GFRA1: variants seen among roughly 807,000 people sequenced by gnomAD.
GFRA1 encodes GDNF family receptor alpha-1.
Under a neutral mutation model 51.6 loss-of-function variants are expected in GFRA1, and 16 were observed. The observed-to-expected ratio is 0.31, with a 90% confidence interval of 0.21 to 0.47. GFRA1 has a LOEUF of 0.47. Ranked by LOEUF, GFRA1 falls within the 20% of genes least tolerant of loss-of-function variation. The pLI is 1.00. For missense variants in GFRA1, 530 were observed against 594.3 expected (o/e 0.89, Z 1.13); for synonymous variants, 270 against 241.3 (o/e 1.12, Z -1.10).
Position 116,207,704 on chromosome 10 carries a change from C to T in GFRA1, c.433+3927G>A, listed in dbSNP as rs144414974. ...AGTGGCTTTTTAAAATCTGAAGACA[C>T]ATATAGGAATATTTTAATAATGTCT... On this transcript the variant is annotated intron_variant, in intron 5 of 10. Coordinates refer to ENST00000355422, the MANE Select transcript of GFRA1 (RefSeq NM_005264.8). 1.3e-3 allele frequency among the ~76,000 whole-genome samples: 191 copies of T among 152,162 alleles called. 1 individual carries two copies. The highest frequency in any genetic ancestry group is 2.1e-3 in the Non-Finnish European group (144 of 68,032).
intron 5 of GFRA1, among the ~76,000 whole-genome samples, chr10:116,134,179 C>A (rs1412686191): frequency 6.6e-6 from 1 of 152,150 alleles, no homozygotes; most frequent in African/African-American, 2.4e-5. Context: ...AATAAAAGAA[C>A]GTTTGTTTGC....
intron 5 of GFRA1, among the ~76,000 whole-genome samples, chr10:116,157,531 C>A (rs531243786): frequency 6.6e-6 from 1 of 152,214 alleles, no homozygotes; most frequent in Non-Finnish European, 1.5e-5. Context: ...TCATTCAAGC[C>A]TTCATGTTTC....
chr10:116,269,639 AG>A, intron 3 of GFRA1, 53 bp from the exon 4 acceptor site: 2 of 1,073,420 alleles, frequency 1.9e-6, no homozygotes, highest in Non-Finnish European at 2.9e-6. Flanking sequence ...TATTTCAAGC[AG>A]GTTTTTGCTG....
intron 5 of GFRA1, among the ~76,000 whole-genome samples, chr10:116,132,001 G>A (rs576652257): frequency 1.7e-4 from 25 of 150,848 alleles, no homozygotes; most frequent in Non-Finnish European, 2.8e-4. Flanking sequence ...GAGACCAGAA[G>A]ATCGAGACCA....
At chr10:116,086,290 A>G (rs1330980755) in intron 9 of GFRA1, among the ~76,000 whole-genome samples, 2 of 152,178 alleles carry the variant, frequency 1.3e-5, no homozygotes, top group African/African-American at 4.8e-5. Context: ...GAAGCATAGC[A>G]CCACCTTCCA....
intron 5 of GFRA1, among the ~76,000 whole-genome samples, chr10:116,166,783 T>C (rs111291432): frequency 0.25 from 2,707 of 10,892 alleles, 118 homozygotes; most frequent in African/African-American, 0.31. Flanking sequence ...CAATCTTCTT[T>C]TTTTTTTTTT....
intron 4 of GFRA1, among the ~76,000 whole-genome samples, chr10:116,217,386 G>A (rs1038999064): frequency 6.6e-6 from 1 of 152,172 alleles, no homozygotes; most frequent in Non-Finnish European, 1.5e-5. Context: ...TAATTTAATC[G>A]GCACAGGCCA....
chr10:116,183,233 C>A (rs1962400885), intron 5 of GFRA1, among the ~76,000 whole-genome samples: 1 of 152,184 alleles, frequency 6.6e-6, no homozygotes, highest in East Asian at 1.9e-4. Context: ...AAAGTTGATT[C>A]TCCTCAGTCA....
chr10:116,208,644 G>A (rs895083634), intron 5 of GFRA1, among the ~76,000 whole-genome samples: 12 of 152,110 alleles, frequency 7.9e-5, no homozygotes, highest in Admixed American at 2.0e-4. Context: ...TCTTTATACC[G>A]CGCCCACTTA....
rs151257042 is a variant in GFRA1, at chr10:116,065,444, G to A, written c.1251+129C>T. The A allele has an allele frequency of 3.0e-3, 2,270 of 754,544 alleles. 29 individuals are homozygous for A. The highest frequency in any genetic ancestry group is 0.022 in the African/African-American group (1,247 of 57,872). 46.7% of individuals were successfully genotyped at this position (754,544 alleles called of 1,614,324 possible). On this transcript the variant is annotated intron_variant, in intron 10 of 10. Coordinates refer to ENST00000355422, the MANE Select transcript of GFRA1 (RefSeq NM_005264.8). ...TGCTCAAAGGGCAGACGGTCATGGA[G>A]GGTGGCTTAGATTTCTTGTGGACTG...
intron 4 of GFRA1, among the ~76,000 whole-genome samples, chr10:116,253,032 G>A (rs1156924592): frequency 1.3e-5 from 2 of 152,178 alleles, no homozygotes; most frequent in Non-Finnish European, 2.9e-5. Flanking sequence ...TAAAAGAGAA[G>A]GCAAGTTCAA....
chr10:116,273,226 C>A (rs931179775), upstream of GFRA1: 1 of 152,064 alleles, frequency 6.6e-6, no homozygotes, highest in Non-Finnish European at 1.5e-5. Context: ...CTTATTTATT[C>A]TTTCAGGGCA....
At chr10:116,199,888 C>T (rs2134381426) in intron 5 of GFRA1, among the ~76,000 whole-genome samples, 1 of 152,324 alleles carries the variant, frequency 6.6e-6, no homozygotes, top group South Asian at 2.1e-4. Flanking sequence ...TCGCTACTTT[C>T]ATTTCCCCAG....
At chr10:116,095,601 C>T (rs1956536329) in intron 7 of GFRA1, among the ~76,000 whole-genome samples, 3 of 152,266 alleles carry the variant, frequency 2.0e-5, no homozygotes, top group Admixed American at 1.3e-4. Flanking sequence ...CACAGCAGGG[C>T]AGGTATCCTT....
chr10:116,065,570 T>TA lies in GFRA1; in HGVS notation c.1251+2dup. On this transcript the variant is annotated splice_region_variant and intron_variant, in intron 10 of 10. Transcript: ENST00000355422. Reference sequence around the variant, plus strand: ...ACGAAGCCTCCAAAAGAAACATACTTACATTGGAAATACAGAGGTGTGTAT... The same window carrying TA: ...ACGAAGCCTCCAAAAGAAACATACTTAACATTGGAAATACAGAGGTGTGTAT... The TA allele has an allele frequency of 1.2e-6, 2 of 1,611,366 alleles. No homozygotes were observed. The highest frequency in any genetic ancestry group is 1.7e-6 in the Non-Finnish European group (2 of 1,177,546).
intron 4 of GFRA1, among the ~76,000 whole-genome samples, chr10:116,226,602 A>G (rs1223684835): frequency 2.6e-5 from 4 of 151,924 alleles, no homozygotes; most frequent in Non-Finnish European, 5.9e-5. Flanking sequence ...TTCATGGAAG[A>G]CAATTTTTCC....
chr10:116,123,478 C>T (rs191037384), intron 6 of GFRA1, among the ~76,000 whole-genome samples: 17 of 152,348 alleles, frequency 1.1e-4, no homozygotes, highest in African/African-American at 3.8e-4. Flanking sequence ...CAAGGACTTA[C>T]AGTTTTCTTT....
chr10:116,078,743 T>C (rs1384881351), intron 9 of GFRA1, among the ~76,000 whole-genome samples: 1 of 152,132 alleles, frequency 6.6e-6, no homozygotes, highest in Non-Finnish European at 1.5e-5. Flanking sequence ...AAACAGTCTG[T>C]ATCACACAGA....
At chr10:116,211,279 G>A (rs535961256) in intron 5 of GFRA1, among the ~76,000 whole-genome samples, 9 of 152,146 alleles carry the variant, frequency 5.9e-5, no homozygotes, top group South Asian at 4.1e-4. Context: ...GAGCCCCAAC[G>A]GACAGTGGCC....
Sources: gnomAD v4.1 joint callset for allele counts (sites outside exome capture counted in the v4.1 genomes callset) on GRCh38, gnomAD v4.1.1 for gene constraint, MANE v1.5 for transcripts, NCBI Gene and HGNC (gene_info 2026-07-23, HGNC 2026-07-21) for gene names.